Variants in PPARA observed in about 807,000 individuals in gnomAD.
PPARA encodes peroxisome proliferator-activated receptor alpha.
In PPARA, 22 loss-of-function variants were observed where a neutral mutation model predicts 42.2. The observed-to-expected ratio is 0.52, with a 90% CI of 0.37 to 0.74. The LOEUF is 0.74. Ranked by LOEUF, PPARA falls within the 30% of genes least tolerant of loss-of-function variation. The pLI, the probability that PPARA is intolerant of heterozygous loss-of-function variation, is 0.00. For missense variants in PPARA, 465 were observed against 608.2 expected (o/e 0.76, Z 2.48); for synonymous variants, 242 against 239.3 (o/e 1.01, Z -0.10).
rs1470695518 is a variant in PPARA at position 46,194,545 on chromosome 22, T to C, written c.-42-3797T>C. Among the ~76,000 whole-genome samples, 8 of 150,372 alleles carry C rather than the reference T, an allele frequency of 5.3e-5. No individual in the cohort carries two copies. The East Asian group carries it at 9.8e-4, about 18-fold the overall frequency. ...GCCACAGCCCATCCATCACACAGTC[T>C]CTGCCCATCTACTTGCTTTTTCCTT... On this transcript the variant is annotated intron_variant, in intron 3 of 8. Transcript: ENST00000407236.
intron 3 of PPARA, among the ~76,000 whole-genome samples, chr22:46,179,042 G>A (rs889225955): frequency 1.3e-5 from 2 of 152,158 alleles, no homozygotes; most frequent in Admixed American, 1.3e-4. Context: ...CTGCTGGATC[G>A]TGACATGAAG....
Position 46,200,635 on chromosome 22 carries a change from G to T in PPARA, c.208+2044G>T, listed in dbSNP as rs1932790726. Among the ~76,000 whole-genome samples the T allele has an allele frequency of 6.6e-6, 1 of 152,270 alleles. No individual in the cohort carries two copies. Among genetic ancestry groups the T allele is most frequent in the African/African-American group, 2.4e-5 (1 of 41,478 alleles). ...AAGCTCAGAGAAATTAAGTAACTTG[G>T]CTGGGCGCAGTGGCTCACGCCTGTA... On this transcript the variant is annotated intron_variant, in intron 4 of 8. Transcript: ENST00000407236. This position sits in a 1 kb window ranked among gnomAD's most constrained non-coding sequence, Gnocchi z 4.8.
At chr22:46,198,949 G>A (rs1398509692) in intron 4 of PPARA, among the ~76,000 whole-genome samples, 5 of 152,100 alleles carry the variant, frequency 3.3e-5, no homozygotes, top group Admixed American at 1.3e-4. Context: ...GTGAGCCACC[G>A]CGCCCGGCCG....
Position 46,187,831 on chromosome 22 carries a change from A to T in PPARA, c.-42-10511A>T, listed in dbSNP as rs1931024313. On this transcript the variant is annotated intron_variant, in intron 3 of 8. Transcript: ENST00000407236. The surrounding 1 kb of genome is among the most constrained non-coding windows in gnomAD (Gnocchi z 4.9). ...CTCTTCCCATCAAGAGGTAGAGTTT[A>T]TTTCCCCACCTCTTGGATCTGGCTT... Among the ~76,000 whole-genome samples the T allele has an allele frequency of 6.6e-6, 1 of 152,166 alleles. No individual in the cohort carries two copies. Among genetic ancestry groups the T allele is most frequent in the African/African-American group, 2.4e-5 (1 of 41,426 alleles).
rs1254603622 is a variant in PPARA, at chr22:46,182,536, C to T, written c.-43+5700C>T. 6.6e-6 allele frequency among the ~76,000 whole-genome samples: 1 copy of T among 152,026 alleles called. No homozygotes were observed. Among genetic ancestry groups the T allele is most frequent in the East Asian group, 1.9e-4 (1 of 5,182 alleles). ...CTAATCTGTAATGACAGGAAGCAGA[C>T]CAGTGACAGTGGGCATGGAGGGGCA... On this transcript the variant is annotated intron_variant, in intron 3 of 8. Transcript: ENST00000407236. This position sits in a 1 kb window ranked among gnomAD's most constrained non-coding sequence, Gnocchi z 5.2.
intron 4 of PPARA, among the ~76,000 whole-genome samples, chr22:46,208,966 A>G (rs1813585624): frequency 1.3e-5 from 2 of 151,790 alleles, no homozygotes; most frequent in Admixed American, 1.3e-4. Context: ...TCGTTCATTA[A>G]TGATCATTTA....
rs1935914804 is a variant in PPARA, at chr22:46,232,101, C to T, written c.1021C>T (p.Arg341Cys). Residue 341 changes from arginine to cysteine, a missense_variant, in exon 8 of 9, where the codon CGT becomes TGT. Physicochemically the swap from Arg to Cys is radical, Grantham distance 180. Around this residue, in one of 2 missense-constraint regions of PPARA, gnomAD observed 313 missense variants for 469.1 expected, o/e 0.67. Coordinates refer to ENST00000407236, the MANE Select transcript of PPARA (RefSeq NM_005036.6). The surrounding 1 kb of genome is among the most constrained non-coding windows in gnomAD (Gnocchi z 5.3). ...AGCGTATGGAAATGGGTTTATAACT[C>T]GTGAATTCCTAAAAAGCCTAAGGAA... is the stretch of plus-strand genomic sequence containing the variant. ...LVAYGNGFIT[R>C]EFLKSLRKPF... 2 of 1,614,162 alleles carry T rather than the reference C, an allele frequency of 1.2e-6. No individual in the cohort carries two copies. Among genetic ancestry groups the T allele is most frequent in the Non-Finnish European group, 1.7e-6 (2 of 1,180,040 alleles).
At chr22:46,166,663 A>G (rs1841834933) in intron 2 of PPARA, among the ~76,000 whole-genome samples, 1 of 152,026 alleles carries the variant, frequency 6.6e-6, no homozygotes, top group Non-Finnish European at 1.5e-5. Context: ...GAAAATTATG[A>G]AATGCTCAGA....
chr22:46,187,913 C>T lies in PPARA; in HGVS notation c.-42-10429C>T, dbSNP rs1295350165. Among the ~76,000 whole-genome samples, 5 of 152,228 alleles carry T rather than the reference C, an allele frequency of 3.3e-5. No homozygotes were observed. The highest frequency in any genetic ancestry group is 1.2e-4 in the African/African-American group (5 of 41,472). ...AACAGAAAGGACACTGCCTAACTTACAAATGAGGTCTACCTTAAGAGGCTT... is the reference window on the plus strand; with the variant it reads ...AACAGAAAGGACACTGCCTAACTTATAAATGAGGTCTACCTTAAGAGGCTT... On this transcript the variant is annotated intron_variant, in intron 3 of 8. Coordinates refer to ENST00000407236, the MANE Select transcript of PPARA (RefSeq NM_005036.6). This position sits in a 1 kb window ranked among gnomAD's most constrained non-coding sequence, Gnocchi z 4.9.
rs1490735072 is a variant in PPARA at position 46,196,659 on chromosome 22, T to C, written c.-42-1683T>C. On this transcript the variant is annotated intron_variant, in intron 3 of 8. Coordinates refer to ENST00000407236, the MANE Select transcript of PPARA (RefSeq NM_005036.6). The surrounding 1 kb of genome is among the most constrained non-coding windows in gnomAD (Gnocchi z 5.6). ...CTCCACACGTGCATTCATTTCGTTG[T>C]TCACCATCTGTGTCCCAGTTACAAG... is the stretch of plus-strand genomic sequence containing the variant. Among the ~76,000 whole-genome samples, 1 of 152,234 alleles carries C rather than the reference T, an allele frequency of 6.6e-6. No individual in the cohort carries two copies. The highest frequency in any genetic ancestry group is 2.4e-5 in the African/African-American group (1 of 41,472).
intron 2 of PPARA, among the ~76,000 whole-genome samples, chr22:46,152,308 T>C (rs1924566858): frequency 6.6e-6 from 1 of 151,888 alleles, no homozygotes; most frequent in Admixed American, 6.6e-5. Context: ...CCAGCTAATT[T>C]TTGTAGTTTT....
rs1275175700 is a variant in PPARA, at chr22:46,212,127, C to T, written c.209-3046C>T. Among the ~76,000 whole-genome samples the T allele has an allele frequency of 6.6e-6, 1 of 152,116 alleles. No homozygotes were observed. Among genetic ancestry groups the T allele is most frequent in the Non-Finnish European group, 1.5e-5 (1 of 68,022 alleles). ...GAGTACAGTGGCAGCATAATCTCAGCTCACTGTAGCCTCAGCCTCCCAGGG... is the reference window on the plus strand; with the variant it reads ...GAGTACAGTGGCAGCATAATCTCAGTTCACTGTAGCCTCAGCCTCCCAGGG... On this transcript the variant is annotated intron_variant, in intron 4 of 8. Transcript: ENST00000407236. This position sits in a 1 kb window ranked among gnomAD's most constrained non-coding sequence, Gnocchi z 4.2.
At chr22:46,168,102 C>A (rs1041777192) in intron 2 of PPARA, among the ~76,000 whole-genome samples, 16 of 151,460 alleles carry the variant, frequency 1.1e-4, no homozygotes, top group Non-Finnish European at 2.1e-4. Flanking sequence ...CCTGTAATCC[C>A]AGCACTTTGG....
At position 46,174,744 on chromosome 22, in the gene PPARA, G is replaced by T. The variant is rs190582101; in HGVS notation, c.-126-2009G>T. Among the ~76,000 whole-genome samples the T allele has an allele frequency of 9.1e-4, 139 of 152,192 alleles. 1 individual carries two copies. The highest frequency in any genetic ancestry group is 3.3e-3 in the African/African-American group (136 of 41,510). The stretch of plus-strand genomic sequence containing the variant: ...AGGTAGGAGGATTGCTTGAGCCTGG[G>T]AGTTCGAGGCTGCAGTGAACCATGA... On this transcript the variant is annotated intron_variant, in intron 2 of 8. Transcript: ENST00000407236.
At position 46,243,280 on chromosome 22, in the gene PPARA, CCA is replaced by C. The variant is rs1936425652; in HGVS notation, c.*7901_*7902del. On this transcript the variant is annotated 3_prime_UTR_variant, in exon 9 of 9. Coordinates refer to ENST00000407236, the MANE Select transcript of PPARA (RefSeq NM_005036.6). This position sits in a 1 kb window ranked among gnomAD's most constrained non-coding sequence, Gnocchi z 5.0. ...GCAGATCCCAGAGCAAGGACTGGGC[CCA>C]GACTCTCCACATGTGCTCTACTAGT... The C allele has an allele frequency of 6.6e-6, 1 of 152,146 alleles. No homozygotes were observed. Among genetic ancestry groups the C allele is most frequent in the South Asian group, 2.1e-4 (1 of 4,822 alleles). 9.4% of individuals were successfully genotyped at this position (152,146 alleles called of 1,614,324 possible).
Position 46,160,526 on chromosome 22 carries a change from G to A in PPARA, c.-127+8556G>A, listed in dbSNP as rs996512481. ...TTGGCCAGGCTGGTCTCAAACTCCC[G>A]GCCTCATGATCCGCCCTCTGCAGCC... On this transcript the variant is annotated intron_variant, in intron 2 of 8. Transcript: ENST00000407236. The surrounding 1 kb of genome is among the most constrained non-coding windows in gnomAD (Gnocchi z 4.5). 3.3e-5 allele frequency among the ~76,000 whole-genome samples: 5 copies of A among 152,104 alleles called. No individual in the cohort carries two copies. The highest frequency in any genetic ancestry group is 4.8e-5 in the African/African-American group (2 of 41,410).
At position 46,232,205 on chromosome 22, in the gene PPARA, C is replaced by T. The variant is rs756439691; in HGVS notation, c.1125C>T (p.Ile375=). The change falls in exon 8 of 9, where the codon ATC becomes ATT. Residue 375 remains isoleucine (I), a synonymous_variant. Transcript: ENST00000407236. This position sits in a 1 kb window ranked among gnomAD's most constrained non-coding sequence, Gnocchi z 5.3. ...CACTGGAACTGGATGACAGTGATAT[C>T]TCCCTTTTTGTGGCTGCTATCATTT... ...FNALELDDSD[I]SLFVAAIICC... 2 of 1,614,158 alleles carry T rather than the reference C, an allele frequency of 1.2e-6. No homozygotes were observed. Among genetic ancestry groups the T allele is most frequent in the Admixed American group, 1.7e-5 (1 of 60,006 alleles).
Position 46,215,260 on chromosome 22 carries a change from A to T in PPARA, c.296A>T (p.Asn99Ile). The part of the protein sequence containing the change: ...SVDESPSGAL[N>I]IECRICGDKA... The stretch of plus-strand genomic sequence containing the variant: ...GACGAGTCTCCCAGTGGAGCATTGA[A>T]CATCGAATGTAGAATCTGCGGGGAC... Residue 99 changes from asparagine (N) to isoleucine (I), a missense_variant, in exon 5 of 9, where the codon AAC becomes ATC. By Grantham distance (149) the Asn-to-Ile change is moderately radical. Around this residue, in one of 2 missense-constraint regions of PPARA, gnomAD observed 152 missense variants for 139.1 expected, o/e 1.09. Transcript: ENST00000407236. 1 of 1,614,130 alleles carries T rather than the reference A, an allele frequency of 6.2e-7. No homozygotes were observed. Among genetic ancestry groups the T allele is most frequent in the Non-Finnish European group, 8.5e-7 (1 of 1,180,026 alleles).
rs1044825966 is a variant in PPARA at position 46,224,684 on chromosome 22, T to G, written c.711+4670T>G. ...CTGTCCAGGCCAGTAAACTAATGGA[T>G]TCATACGAACCGTAATGAACGTGGG... On this transcript the variant is annotated intron_variant, in intron 7 of 8. Coordinates refer to ENST00000407236, the MANE Select transcript of PPARA (RefSeq NM_005036.6). The surrounding 1 kb of genome is among the most constrained non-coding windows in gnomAD (Gnocchi z 5.7). Among the ~76,000 whole-genome samples the G allele has an allele frequency of 8.6e-5, 13 of 151,966 alleles. No homozygotes were observed. Among genetic ancestry groups the G allele is most frequent in the African/African-American group, 3.1e-4 (13 of 41,366 alleles).
Sources: allele counts gnomAD v4.1 joint callset (sites outside exome capture counted in the v4.1 genomes callset), GRCh38; gene constraint gnomAD v4.1.1; regional missense constraint gnomAD v4.1.1; non-coding constraint Gnocchi (gnomAD v3.1); transcripts MANE v1.5; gene names NCBI Gene and HGNC (gene_info 2026-07-23, HGNC 2026-07-21).